The following MAN1C1 variants were observed in gnomAD, a reference collection of about 807,000 sequenced individuals.
The protein encoded by MAN1C1 is mannosidase alpha class 1C member 1, also known as mannosyl-oligosaccharide 1,2-alpha-mannosidase IC.
In MAN1C1, 49 loss-of-function variants were observed where a neutral mutation model predicts 71.5. The observed-to-expected ratio is 0.69, with a 90% CI of 0.54 to 0.87. The LOEUF (loss-of-function observed/expected upper bound fraction) is 0.87. MAN1C1 is among the 40% of genes least tolerant of loss of function. MAN1C1 has a pLI of 0.00. For missense variants in MAN1C1, 743 were observed against 835.0 expected (o/e 0.89, Z 1.36); for synonymous variants, 352 against 343.7 (o/e 1.02, Z -0.27).
At chr1:25,633,513 A>G (rs1345374057) in intron 1 of MAN1C1, among the ~76,000 whole-genome samples, 1 of 144,710 alleles carries the variant, frequency 6.9e-6, no homozygotes, top group Non-Finnish European at 1.5e-5. Flanking sequence ...TCCTTTTATC[A>G]TTATGTAATG....
chr1:25,678,963 T>C (rs1178079915), intron 1 of MAN1C1, among the ~76,000 whole-genome samples: 1 of 151,214 alleles, frequency 6.6e-6, no homozygotes, highest in East Asian at 1.9e-4. Context: ...CTTTGATACA[T>C]TAAAAGGTAG....
In MAN1C1 at chr1:25,776,193, C is replaced by T. The variant is rs180976185; in HGVS notation, c.1258-1912C>T. 1.7e-4 allele frequency among the ~76,000 whole-genome samples: 26 copies of T among 152,294 alleles called. No homozygotes were observed. The highest frequency in any genetic ancestry group is 3.9e-4 in the East Asian group (2 of 5,176). ...TGAGCCACTGCGTCCAGCCCCTCCC[C>T]GCATACCCCTGCATTTTTTAATCTC... is the stretch of plus-strand genomic sequence containing the variant. On this transcript the variant is annotated intron_variant, in intron 8 of 11. Transcript: ENST00000374332. This position sits in a 1 kb window ranked among gnomAD's most constrained non-coding sequence, Gnocchi z 4.3.
At chr1:25,728,884 C>G (rs2046870172) in intron 2 of MAN1C1, among the ~76,000 whole-genome samples, 1 of 152,150 alleles carries the variant, frequency 6.6e-6, no homozygotes, top group Admixed American at 6.5e-5. Flanking sequence ...GGCTGGGGAC[C>G]CCTAGTGAGA....
chr1:25,662,621 A>G (rs759965875), intron 1 of MAN1C1, among the ~76,000 whole-genome samples: 7 of 152,166 alleles, frequency 4.6e-5, no homozygotes, highest in Non-Finnish European at 1.0e-4. Context: ...ACTCCAAATC[A>G]AGAACTCTGC....
At chr1:25,628,273 A>G (rs951655103) in intron 1 of MAN1C1, among the ~76,000 whole-genome samples, 1 of 151,796 alleles carries the variant, frequency 6.6e-6, no homozygotes, top group Non-Finnish European at 1.5e-5. Flanking sequence ...GATATTCTTT[A>G]TTTTTATTTT....
intron 1 of MAN1C1, among the ~76,000 whole-genome samples, chr1:25,643,217 G>T (rs1313986299): frequency 4.0e-5 from 6 of 149,368 alleles, no homozygotes; most frequent in African/African-American, 1.5e-4. Context: ...GCAGTCCTTA[G>T]TCCTACCTCC....
chr1:25,710,088 A>T (rs1209994947), intron 2 of MAN1C1: 1 of 152,188 alleles, frequency 6.6e-6, no homozygotes, highest in Non-Finnish European at 1.5e-5. Context: ...GTTTATTTAT[A>T]TACTCATTCT....
intron 5 of MAN1C1, among the ~76,000 whole-genome samples, chr1:25,754,872 C>T (rs571292140): frequency 3.9e-5 from 6 of 152,344 alleles, no homozygotes; most frequent in East Asian, 1.9e-4. Flanking sequence ...CTGTCCGTGC[C>T]GTGTGCGCAT....
At chr1:25,765,302 C>T (rs4631679) in intron 7 of MAN1C1, among the ~76,000 whole-genome samples, 1 of 152,180 alleles carries the variant, frequency 6.6e-6, no homozygotes, top group Non-Finnish European at 1.5e-5. Context: ...AAGCCCAGCT[C>T]TGGGAAGCAG....
chr1:25,622,169 T>G (rs1383748099), intron 1 of MAN1C1, among the ~76,000 whole-genome samples: 1 of 152,170 alleles, frequency 6.6e-6, no homozygotes, highest in Non-Finnish European at 1.5e-5. Flanking sequence ...TTCCCCACCT[T>G]CCCTGTGCTG....
intron 5 of MAN1C1, among the ~76,000 whole-genome samples, chr1:25,755,448 C>T (rs1003876360): frequency 2.6e-5 from 4 of 152,246 alleles, no homozygotes; most frequent in Non-Finnish European, 5.9e-5. Flanking sequence ...GGCATCCATA[C>T]ATGGGCACAC....
chr1:25,755,346 A>G (rs978677572), intron 5 of MAN1C1, among the ~76,000 whole-genome samples: 1 of 152,178 alleles, frequency 6.6e-6, no homozygotes. Flanking sequence ...TTTTTCACTC[A>G]TGCTCTCTCA....
At chr1:25,665,724 CCAT>C (rs2045913439) in intron 1 of MAN1C1, among the ~76,000 whole-genome samples, 1 of 152,084 alleles carries the variant, frequency 6.6e-6, no homozygotes, top group Non-Finnish European at 1.5e-5. Context: ...CAGGTTATTT[CCAT>C]CATCCTGCTG....
rs1241820810 is a variant in MAN1C1 at position 25,618,037 on chromosome 1, G to A, written c.240G>A (p.Pro80=). 1.9e-6 allele frequency: 3 copies of A among 1,587,062 alleles called. No homozygotes were observed. Among genetic ancestry groups the A allele is most frequent in the Non-Finnish European group, 2.6e-6 (3 of 1,170,568 alleles). The change falls in exon 1 of 12, where the codon CCG becomes CCA. Residue 80 remains proline, a synonymous_variant. Coordinates refer to ENST00000374332, the MANE Select transcript of MAN1C1 (RefSeq NM_020379.4). ...AGHAPAREQE[P]PPNPAPAAPA... is the part of the protein sequence containing the mutation. ...ATGCCCCGGCCCGCGAGCAGGAGCC[G>A]CCTCCCAACCCGGCCCCCGCCGCGC...
intron 2 of MAN1C1, among the ~76,000 whole-genome samples, chr1:25,692,636 C>G (rs939372634): frequency 1.3e-5 from 2 of 152,166 alleles, no homozygotes; most frequent in African/African-American, 4.8e-5. Context: ...AAGTCTTAAT[C>G]CCAGTTCCGC....
chr1:25,644,497 C>CATATATATATATATATAT (rs1204408970), intron 1 of MAN1C1: 11 of 80,144 alleles, frequency 1.4e-4, no homozygotes, highest in African/African-American at 8.1e-4. Flanking sequence ...GTACCAGAGA[C>CATATATATATATATATAT]ATATATATAT....
intron 2 of MAN1C1, among the ~76,000 whole-genome samples, chr1:25,714,515 A>G (rs2046654173): frequency 6.6e-6 from 1 of 152,192 alleles, no homozygotes; most frequent in Non-Finnish European, 1.5e-5. Flanking sequence ...TGATTTTTGT[A>G]GCTGAAGTGC....
Position 25,735,700 on chromosome 1 carries a change from C to T in MAN1C1, c.638-10968C>T, listed in dbSNP as rs1275705953. On this transcript the variant is annotated intron_variant, in intron 2 of 11. Coordinates refer to ENST00000374332, the MANE Select transcript of MAN1C1 (RefSeq NM_020379.4). This position sits in a 1 kb window ranked among gnomAD's most constrained non-coding sequence, Gnocchi z 4.6. ...GCTGGAATTTGGTTTATCTAGGCTG[C>T]ATCTAGCTAGATCCAAGTCTGCTCT... 6.6e-6 allele frequency among the ~76,000 whole-genome samples: 1 copy of T among 152,168 alleles called. No individual in the cohort carries two copies. The highest frequency in any genetic ancestry group is 1.5e-5 in the Non-Finnish European group (1 of 68,018).
chr1:25,706,700 A>G (rs1336245689), intron 2 of MAN1C1, among the ~76,000 whole-genome samples: 1 of 152,232 alleles, frequency 6.6e-6, no homozygotes, highest in Non-Finnish European at 1.5e-5. Context: ...GGGCAAATCT[A>G]AGGCCAGGGC....
Sources: gnomAD v4.1 joint callset for allele counts (sites outside exome capture counted in the v4.1 genomes callset) on GRCh38, gnomAD v4.1.1 for gene constraint, Gnocchi (gnomAD v3.1) non-coding constraint, MANE v1.5 for transcripts, NCBI Gene and HGNC (gene_info 2026-07-23, HGNC 2026-07-21) for gene names.